The following ATXN2 variants were observed in gnomAD, a reference collection of about 807,000 sequenced individuals.
The protein encoded by ATXN2 is ataxin 2, also known as ataxin-2.
A neutral mutation model predicts 138.6 loss-of-function variants in ATXN2; 37 were observed. That is an observed-to-expected ratio of 0.27 (90% CI 0.21 to 0.35). ATXN2 has a LOEUF of 0.35. Among genes scored for constraint, ATXN2 ranks in the 10% least tolerant of loss-of-function variants. The pLI, the probability that ATXN2 is intolerant of heterozygous loss-of-function variation, is 1.00. For missense variants in ATXN2, 1,216 were observed against 1,480.3 expected, an observed-to-expected ratio of 0.82 and a Z score of 2.93; for synonymous variants, 549 against 543.7, an observed-to-expected ratio of 1.01 and a Z score of -0.13.
intron 5 of ATXN2, among the ~76,000 whole-genome samples, chr12:111,536,763 T>C (rs1881200945): frequency 6.7e-6 from 1 of 149,910 alleles, no homozygotes; most frequent in African/African-American, 2.4e-5. Context: ...ATTGAAAACC[T>C]ATGTCCACAC....
At chr12:111,554,243 T>C in intron 2 of ATXN2, 26 bp from the exon 3 acceptor site, 2 of 1,107,176 alleles carry the variant, frequency 1.8e-6, no homozygotes, top group Non-Finnish European at 2.5e-6. Context: ...AAAAAAAAAC[T>C]ATTAGAAATT....
chr12:111,586,455 G>A (rs1279756555), intron 1 of ATXN2, among the ~76,000 whole-genome samples: 5 of 138,794 alleles, frequency 3.6e-5, no homozygotes, highest in African/African-American at 8.0e-5. Context: ...GCCCGATCTC[G>A]GCTCACTGCA....
At chr12:111,577,318 T>A (rs1224219404) in intron 1 of ATXN2, among the ~76,000 whole-genome samples, 1 of 151,986 alleles carries the variant, frequency 6.6e-6, no homozygotes, top group Non-Finnish European at 1.5e-5. Flanking sequence ...CAGGCTGGAG[T>A]GCAGTGGCAC....
intron 14 of ATXN2, among the ~76,000 whole-genome samples, chr12:111,502,117 G>A (rs1566027958): frequency 1.3e-5 from 2 of 152,052 alleles, no homozygotes; most frequent in Admixed American, 1.3e-4. Flanking sequence ...GGTCTTTAAT[G>A]CCTGAGCTCA....
chr12:111,464,247 G>GGTGTGTGTGTGTGTGTGTGT (rs57717176), intron 21 of ATXN2, among the ~76,000 whole-genome samples: 9 of 134,714 alleles, frequency 6.7e-5, no homozygotes, highest in African/African-American at 2.6e-4. Context: ...TGTGGCTTGG[G>GGTGTGTGTGTGTGTGTGTGT]GTGTGTGTGT....
intron 6 of ATXN2, among the ~76,000 whole-genome samples, chr12:111,522,947 T>C (rs1279438102): frequency 2.0e-5 from 3 of 151,092 alleles, no homozygotes; most frequent in African/African-American, 7.3e-5. Context: ...TTCAGACATC[T>C]TCTAGGCAAT....
intron 18 of ATXN2, among the ~76,000 whole-genome samples, chr12:111,476,472 A>C (rs1489117367): frequency 6.6e-6 from 1 of 151,836 alleles, no homozygotes; most frequent in African/African-American, 2.4e-5. Context: ...AAAAAAAAAA[A>C]CCCAAAAACA....
At chr12:111,581,697 A>C in intron 1 of ATXN2, 1 of 681,722 alleles carries the variant, frequency 1.5e-6, no homozygotes. Context: ...AAGTGCCTGA[A>C]CATCTGGGCC....
At position 111,552,081 on chromosome 12, in the gene ATXN2, A is replaced by G. The variant is rs1882153031; in HGVS notation, c.571+199T>C. 1.3e-5 allele frequency among the ~76,000 whole-genome samples: 2 copies of G among 152,084 alleles called. No individual in the cohort carries two copies. Among genetic ancestry groups the G allele is most frequent in the Non-Finnish European group, 1.5e-5 (1 of 68,022 alleles). On this transcript the variant is annotated intron_variant, in intron 5 of 24. Transcript: ENST00000673436. This position sits in a 1 kb window ranked among gnomAD's most constrained non-coding sequence, Gnocchi z 4.1. ...TTTTTAGTAGAGACGGGGTTTCGCC[A>G]TGTTGGCCAGGCTGGTCTCGAACTC...
intron 1 of ATXN2, among the ~76,000 whole-genome samples, chr12:111,560,263 A>G (rs1298273527): frequency 6.6e-6 from 1 of 152,212 alleles, no homozygotes; most frequent in Non-Finnish European, 1.5e-5. Context: ...AAAAATATAT[A>G]ACAACTATTT....
intron 18 of ATXN2, among the ~76,000 whole-genome samples, chr12:111,475,581 C>G (rs1229640136): frequency 6.7e-6 from 1 of 148,972 alleles, no homozygotes; most frequent in African/African-American, 2.5e-5. Context: ...ACTTCCGCCT[C>G]CTGGGTTCAA....
intron 16 of ATXN2, among the ~76,000 whole-genome samples, chr12:111,486,217 C>T (rs1877630784): frequency 1.3e-5 from 2 of 152,114 alleles, no homozygotes; most frequent in Admixed American, 1.3e-4. Flanking sequence ...GGTTACAGTA[C>T]CCTGTGAAGA....
chr12:111,487,018 A>G (rs1227973890), intron 15 of ATXN2, among the ~76,000 whole-genome samples, 194 bp from the exon 16 acceptor site: 5 of 152,200 alleles, frequency 3.3e-5, no homozygotes, highest in Admixed American at 3.3e-4. Flanking sequence ...TACAGCCATA[A>G]AAGAACAATT....
intron 20 of ATXN2, among the ~76,000 whole-genome samples, chr12:111,466,190 T>TAAATAAA (rs1876004670): frequency 8.3e-6 from 1 of 120,566 alleles, no homozygotes; most frequent in Non-Finnish European, 1.7e-5. Flanking sequence ...AAATAAAAAA[T>TAAATAAA]AAATAAAAAA....
At chr12:111,505,018 G>A (rs1002541187) in intron 14 of ATXN2, among the ~76,000 whole-genome samples, 2 of 152,160 alleles carry the variant, frequency 1.3e-5, no homozygotes, top group Non-Finnish European at 2.9e-5. Context: ...GAGTCCAAGT[G>A]TTTGAGACCA....
chr12:111,557,779 G>T (rs1333697921), intron 1 of ATXN2, among the ~76,000 whole-genome samples: 1 of 152,120 alleles, frequency 6.6e-6, no homozygotes. Context: ...AACATCATTT[G>T]AATTTACAGT....
In ATXN2 at chr12:111,510,543, G is replaced by A. The variant is rs940906255; in HGVS notation, c.1598C>T (p.Pro533Leu). ...GGTATTTCCAATACTGTTCTGTCTG[G>A]GAGACCTGGGTCTATGAGTTTTAGG... The part of the protein sequence containing the change: ...LSPKTHRPRS[P>L]RQNSIGNTPS... The change falls in exon 12 of 25, where the codon CCC (proline) becomes CTC (leucine). Residue 533 changes from proline to leucine, a missense_variant. This residue lies in a region of ATXN2 where 215 missense variants were observed against 210.0 expected (regional missense o/e 1.02). Transcript: ENST00000673436. 2 of 1,613,866 alleles carry A rather than the reference G, an allele frequency of 1.2e-6. No homozygotes were observed. Among genetic ancestry groups the A allele is most frequent in the South Asian group, 2.2e-5 (2 of 91,056 alleles).
At chr12:111,584,527 C>G (rs967451830) in intron 1 of ATXN2, among the ~76,000 whole-genome samples, 2 of 151,600 alleles carry the variant, frequency 1.3e-5, no homozygotes, top group African/African-American at 4.8e-5. Context: ...TTAACTCAAA[C>G]CAAAGCTTAA....
chr12:111,510,557 A>G lies in ATXN2; in HGVS notation c.1584T>C (p.His528=), dbSNP rs778729006. The G allele has an allele frequency of 2.5e-6, 4 of 1,613,522 alleles. No individual in the cohort carries two copies. Among genetic ancestry groups the G allele is most frequent in the Non-Finnish European group, 3.4e-6 (4 of 1,179,550 alleles). ...SGVPRLSPKT[H]RPRSPRQNSI... Reference sequence around the variant, plus strand: ...TGTTCTGTCTGGGAGACCTGGGTCTATGAGTTTTAGGGGATAATCTTGGAA... The same window carrying G: ...TGTTCTGTCTGGGAGACCTGGGTCTGTGAGTTTTAGGGGATAATCTTGGAA... The change falls in exon 12 of 25, where the codon CAT becomes CAC. Residue 528 remains histidine (H), a synonymous_variant. Coordinates refer to ENST00000673436, the MANE Select transcript of ATXN2 (RefSeq NM_001372574.1).
Sources: gnomAD v4.1 joint callset for allele counts (sites outside exome capture counted in the v4.1 genomes callset) on GRCh38, gnomAD v4.1.1 for gene constraint, gnomAD v4.1.1 regional missense constraint, Gnocchi (gnomAD v3.1) non-coding constraint, MANE v1.5 for transcripts, NCBI Gene and HGNC (gene_info 2026-07-23, HGNC 2026-07-21) for gene names.